The following CRELD1 variants were observed in gnomAD, a reference collection of about 807,000 sequenced individuals.
CRELD1 encodes protein disulfide isomerase CRELD1.
CRELD1 carries 42 observed loss-of-function variants against 58.2 expected under a neutral mutation model. That is an observed-to-expected ratio of 0.72 (90% CI 0.56 to 0.93). The LOEUF (loss-of-function observed/expected upper bound fraction) is 0.93. CRELD1 is among the 40% of genes least tolerant of loss of function. CRELD1 has a pLI of 0.00. For synonymous variants in CRELD1, 222 were observed against 202.0 expected, an observed-to-expected ratio of 1.10 and a Z score of -0.84; for missense variants, 500 against 540.6, an observed-to-expected ratio of 0.92 and a Z score of 0.74.
rs1278093969 is a variant in CRELD1, at chr3:9,934,387, T to G, written c.-19-33T>G. On this transcript the variant is annotated intron_variant, in intron 1 of 10. Coordinates refer to ENST00000452070, the MANE Select transcript of CRELD1 (RefSeq NM_001077415.3). ...CTTTCTCGCGTGGGGCCTGACTCCT[T>G]CAGTGAAGCCTCTCCACGCCCTCTA... is the stretch of plus-strand genomic sequence containing the variant. The G allele has an allele frequency of 2.0e-6, 3 of 1,523,388 alleles. No individual in the cohort carries two copies. The African/African-American group carries it at 4.1e-5, about 21-fold the overall frequency. 94.4% of individuals were successfully genotyped at this position (1,523,388 alleles called of 1,614,324 possible).
At position 9,938,079 on chromosome 3, in the gene CRELD1, G is replaced by A. The variant is rs200737884; in HGVS notation, c.433G>A (p.Ala145Thr). 3.8e-5 allele frequency: 61 copies of A among 1,613,696 alleles called. No homozygotes were observed. In the Middle Eastern group the frequency reaches 8.2e-4, roughly 22 times the overall value. Residue 145 changes from alanine to threonine, a missense_variant, in exon 5 of 11, where the codon GCA (alanine) becomes ACA (threonine). Transcript: ENST00000452070. ...CSDSLKLCCPAGTFGPSCLPC... is the reference protein window; with the variant it reads ...CSDSLKLCCPTGTFGPSCLPC... ...AGATTCCCTGAAGCTCTGCTGCCCC[G>A]CAGGCACCTTCGGGCCCTCCTGCCT...
intron 5 of CRELD1, among the ~76,000 whole-genome samples, chr3:9,939,770 G>A (rs578033855): frequency 6.7e-6 from 1 of 149,944 alleles, no homozygotes; most frequent in Non-Finnish European, 1.5e-5. Context: ...ATTTCTCAGT[G>A]TTTTCCCCAC....
chr3:9,938,717 G>A (rs1264327138), intron 5 of CRELD1: 4 of 152,690 alleles, frequency 2.6e-5, no homozygotes, highest in South Asian at 2.1e-4. Flanking sequence ...AAAATTAGCC[G>A]GGCATGGTGG....
At chr3:9,940,285 C>T (rs559769363) in intron 5 of CRELD1, among the ~76,000 whole-genome samples, 1 of 152,300 alleles carries the variant, frequency 6.6e-6, no homozygotes, top group Admixed American at 6.5e-5. Flanking sequence ...GCAGAGGCTG[C>T]AATCTCGGCA....
chr3:9,937,719 TGGTGA>T, intron 4 of CRELD1, 47 bp downstream of exon 4: 1 of 1,335,288 alleles, frequency 7.5e-7, no homozygotes, highest in Non-Finnish European at 1.1e-6. Flanking sequence ...AGGTGAGGCC[TGGTGA>T]TAAGGCCTGA....
Position 9,944,831 on chromosome 3 carries a change from C to A in CRELD1, c.*252C>A, listed in dbSNP as rs1438824715. The stretch of plus-strand genomic sequence containing the variant: ...GGCAGGCTTCACAATGTGTGAATTT[C>A]AAAAGTTTTTCCTTAATGGTGGCTG... On this transcript the variant is annotated 3_prime_UTR_variant, in exon 11 of 11. Transcript: ENST00000452070. The A allele has an allele frequency of 1.8e-6, 1 of 544,580 alleles. No individual in the cohort carries two copies. The highest frequency in any genetic ancestry group is 3.3e-6 in the Non-Finnish European group (1 of 301,834). The allele number at this position is 544,580 out of a possible 1,614,324, so 33.7% of individuals were successfully genotyped here. A position where few individuals can be genotyped will look rare whatever the true frequency, so the allele number is the denominator to read the frequency against.
chr3:9,941,259 T>TC, intron 7 of CRELD1, 53 bp downstream of exon 7: 1 of 1,488,858 alleles, frequency 6.7e-7, no homozygotes, highest in Non-Finnish European at 9.3e-7. Context: ...CTGGGCTTGG[T>TC]CCTTTATTCT....
intron 4 of CRELD1, 36 bp downstream of exon 4, chr3:9,937,708 C>T: frequency 7.0e-7 from 1 of 1,424,652 alleles, no homozygotes; most frequent in Non-Finnish European, 9.8e-7. Context: ...AAGTGGGTCA[C>T]AGGTGAGGCC....
In CRELD1 at chr3:9,941,114, G is replaced by T; in HGVS notation, c.641G>T (p.Cys214Phe). 5 of 1,614,246 alleles carry T rather than the reference G, an allele frequency of 3.1e-6. No homozygotes were observed. The highest frequency in any genetic ancestry group is 4.2e-6 in the Non-Finnish European group (5 of 1,180,044). Residue 214 changes from cysteine (C) to phenylalanine (F), a missense_variant, in exon 7 of 11, where the codon TGT (cysteine) becomes TTT (phenylalanine). Coordinates refer to ENST00000452070, the MANE Select transcript of CRELD1 (RefSeq NM_001077415.3). The part of the protein sequence containing the change: ...RNASHLVCSA[C>F]FGPCARCSGP... The stretch of plus-strand genomic sequence containing the variant: ...ATGCTGCCCCCATTCCACCCAGCTT[G>T]TTTTGGCCCCTGTGCCCGATGCTCA...
At chr3:9,941,646 T>C (rs914435352) in intron 7 of CRELD1, among the ~76,000 whole-genome samples, 7 of 151,366 alleles carry the variant, frequency 4.6e-5, no homozygotes, top group African/African-American at 1.7e-4. Context: ...AAAAATTAGC[T>C]GGGCGTGGTG....
In CRELD1 at chr3:9,944,635, C is replaced by G. The variant is rs936028406; in HGVS notation, c.*56C>G. The G allele has an allele frequency of 3.4e-6, 5 of 1,456,632 alleles. No homozygotes were observed. Among genetic ancestry groups the G allele is most frequent in the Non-Finnish European group, 2.8e-6 (3 of 1,070,146 alleles). 90.2% of individuals were successfully genotyped at this position (1,456,632 alleles called of 1,614,324 possible). ...ACCCACGCTGCCCCCAGAGCTTGGG[C>G]TGCCCTCCTGCTGGACACTCAGGAC... On this transcript the variant is annotated 3_prime_UTR_variant, in exon 11 of 11. Transcript: ENST00000452070.
chr3:9,943,066 C>A lies in CRELD1; in HGVS notation c.818-11C>A. 6.2e-7 allele frequency: 1 copy of A among 1,613,056 alleles called. No homozygotes were observed. Among genetic ancestry groups the A allele is most frequent in the Non-Finnish European group, 8.5e-7 (1 of 1,179,220 alleles). On this transcript the variant is annotated splice_polypyrimidine_tract_variant and intron_variant, in intron 8 of 10. Transcript: ENST00000452070. ...GCACATCTCACCCTCATCTTTCTCTCCTCTCTCCAGACTGTGCCAAGGCCT... is the reference window on the plus strand; with the variant it reads ...GCACATCTCACCCTCATCTTTCTCTACTCTCTCCAGACTGTGCCAAGGCCT...
chr3:9,938,184 C>CACACA, intron 5 of CRELD1, 78 bp downstream of exon 5: 15 of 1,145,916 alleles, frequency 1.3e-5, no homozygotes, highest in Non-Finnish European at 1.9e-5. Flanking sequence ...GTCCCTAGTT[C>CACACA]GCTGTGTGAA....
chr3:9,935,125 T>G, intron 3 of CRELD1: 1 of 558,388 alleles, frequency 1.8e-6, no homozygotes, highest in South Asian at 2.1e-5. Flanking sequence ...AATGAGTAAG[T>G]GAATAATATT....
intron 5 of CRELD1, 84 bp downstream of exon 5, chr3:9,938,190 G>C: frequency 9.3e-7 from 1 of 1,074,656 alleles, no homozygotes. Context: ...AGTTCGCTGT[G>C]TGAACTCAGG....
intron 7 of CRELD1, among the ~76,000 whole-genome samples, chr3:9,941,581 G>A (rs1395212786): frequency 2.0e-5 from 3 of 152,056 alleles, no homozygotes; most frequent in Non-Finnish European, 2.9e-5. Flanking sequence ...ATGAGATCAG[G>A]AGATCGAGAC....
At position 9,933,865 on chromosome 3, in the gene CRELD1, C is replaced by T. The variant is rs2085069508; in HGVS notation, c.-75C>T. 2 of 492,432 alleles carry T rather than the reference C, an allele frequency of 4.1e-6. No individual in the cohort carries two copies. The highest frequency in any genetic ancestry group is 2.5e-5 in the South Asian group (1 of 40,652). 30.5% of individuals were successfully genotyped at this position (492,432 alleles called of 1,614,324 possible). A position where few individuals can be genotyped will look rare whatever the true frequency, so the allele number is the denominator to read the frequency against. ...TGGCAGCGACGCGGTGAGGAGACGG[C>T]CCACGGCGCCCGCGGGCTGGGGCGG... On this transcript the variant is annotated 5_prime_UTR_variant, in exon 1 of 11. Transcript: ENST00000452070.
chr3:9,943,587 A>G, intron 10 of CRELD1, 72 bp downstream of exon 10: 1 of 1,609,432 alleles, frequency 6.2e-7, no homozygotes, highest in Non-Finnish European at 8.5e-7. Context: ...CCCAGGTAGC[A>G]GTGGCAGCTC....
At chr3:9,941,576 A>G (rs531946638) in intron 7 of CRELD1, among the ~76,000 whole-genome samples, 10 of 152,018 alleles carry the variant, frequency 6.6e-5, no homozygotes, top group East Asian at 1.9e-4. Context: ...AGATCATGAG[A>G]TCAGGAGATC....
Sources: gnomAD v4.1 joint callset for allele counts (sites outside exome capture counted in the v4.1 genomes callset) on GRCh38, gnomAD v4.1.1 for gene constraint, MANE v1.5 for transcripts, NCBI Gene and HGNC (gene_info 2026-07-23, HGNC 2026-07-21) for gene names.